HIVEP3: variants seen among roughly 807,000 people sequenced by gnomAD.
HIVEP3 encodes HIVEP zinc finger 3, also known as transcription factor HIVEP3.
A neutral mutation model predicts 152.8 loss-of-function variants in HIVEP3; 49 were observed. That is an observed-to-expected ratio of 0.32 (90% CI 0.26 to 0.41). The LOEUF is 0.41. Ranked by LOEUF, HIVEP3 falls within the 10% of genes least tolerant of loss-of-function variation. The pLI, the probability that HIVEP3 is intolerant of heterozygous loss-of-function variation, is 1.00. For missense variants in HIVEP3, 2,790 were observed against 3,103.3 expected (o/e 0.90, Z 2.40); for synonymous variants, 1,269 against 1,289.0 (o/e 0.98, Z 0.33).
At chr1:41,626,267 T>A (rs1156701632) in intron 3 of HIVEP3, among the ~76,000 whole-genome samples, 1 of 152,208 alleles carries the variant, frequency 6.6e-6, no homozygotes, top group East Asian at 1.9e-4. Flanking sequence ...CCCTGGTGGC[T>A]GGGAGGGCCG....
At chr1:41,682,979 T>A (rs1291120830) in intron 2 of HIVEP3, among the ~76,000 whole-genome samples, 1 of 152,172 alleles carries the variant, frequency 6.6e-6, no homozygotes, top group Non-Finnish European at 1.5e-5. Context: ...ATGGAAGGAA[T>A]GACATCTAAA....
At chr1:41,962,565 G>A (rs1645174846) in intron 1 of HIVEP3, among the ~76,000 whole-genome samples, 1 of 152,214 alleles carries the variant, frequency 6.6e-6, no homozygotes, top group Non-Finnish European at 1.5e-5. Flanking sequence ...AAGTTATTAT[G>A]CTCTTTCTCT....
intron 1 of HIVEP3, among the ~76,000 whole-genome samples, chr1:41,786,628 T>C (rs1225993927): frequency 1.3e-5 from 2 of 152,218 alleles, no homozygotes; most frequent in African/African-American, 4.8e-5. Flanking sequence ...TGTGAGACTG[T>C]ATAGCCAGCA....
chr1:41,583,396 G>T lies in HIVEP3; in HGVS notation c.1402C>A (p.Leu468Ile). Residue 468 changes from leucine to isoleucine, a missense_variant, in exon 4 of 9, where the codon CTC becomes ATC. By Grantham distance (5) the Leu-to-Ile change is conservative. Transcript: ENST00000372583. The surrounding 1 kb of genome is among the most constrained non-coding windows in gnomAD (Gnocchi z 6.9). Reference sequence around the variant, plus strand: ...ACCACGGCCTCGTTGATGGTGATGAGCTTCGTGATGTGCTCGATCACCTGC... The same window carrying T: ...ACCACGGCCTCGTTGATGGTGATGATCTTCGTGATGTGCTCGATCACCTGC... ...RTQVIEHITK[L>I]ITINEAVVDT... is the part of the protein sequence containing the mutation. 2 of 1,613,886 alleles carry T rather than the reference G, an allele frequency of 1.2e-6. No individual in the cohort carries two copies. Among genetic ancestry groups the T allele is most frequent in the Non-Finnish European group, 1.7e-6 (2 of 1,179,928 alleles).
intron 1 of HIVEP3, among the ~76,000 whole-genome samples, chr1:41,861,151 C>G (rs1643883273): frequency 6.6e-6 from 1 of 152,188 alleles, no homozygotes; most frequent in Non-Finnish European, 1.5e-5. Context: ...TGGCTAATGA[C>G]TCCAAATAAA....
intron 1 of HIVEP3, among the ~76,000 whole-genome samples, chr1:41,846,256 T>C (rs758744715): frequency 5.9e-5 from 9 of 152,194 alleles, no homozygotes; most frequent in South Asian, 4.1e-4. Context: ...TTTTCTGAAA[T>C]GTGCATGTTA....
intron 1 of HIVEP3, among the ~76,000 whole-genome samples, chr1:41,817,764 T>C (rs484667): frequency 0.37 from 56,154 of 152,130 alleles, 11,575 homozygotes; most frequent in East Asian, 0.8. Context: ...GGCATCAACA[T>C]GGCTTCTGAA....
chr1:41,853,984 G>A (rs1643679719), intron 1 of HIVEP3, among the ~76,000 whole-genome samples: 2 of 152,196 alleles, frequency 1.3e-5, no homozygotes, highest in African/African-American at 2.4e-5. Flanking sequence ...AAGGGATGGG[G>A]AAAGAAAGGC....
chr1:41,981,627 A>G (rs574150423), intron 1 of HIVEP3, among the ~76,000 whole-genome samples: 1 of 152,314 alleles, frequency 6.6e-6, no homozygotes, highest in African/African-American at 2.4e-5. Flanking sequence ...ACCTGCTGCA[A>G]AAAGTTGGGT....
At chr1:41,798,197 G>A (rs1269367801) in intron 1 of HIVEP3, among the ~76,000 whole-genome samples, 2 of 151,756 alleles carry the variant, frequency 1.3e-5, no homozygotes, top group Non-Finnish European at 1.5e-5. Flanking sequence ...TAAATGACGA[G>A]TTAATGGGTG....
chr1:41,972,622 G>A (rs1287944957), intron 1 of HIVEP3, among the ~76,000 whole-genome samples: 1 of 152,200 alleles, frequency 6.6e-6, no homozygotes, highest in Non-Finnish European at 1.5e-5. Flanking sequence ...TCTACTTTAA[G>A]AGTCATGGAA....
chr1:41,694,477 G>A (rs992177648), intron 2 of HIVEP3, among the ~76,000 whole-genome samples: 13 of 152,184 alleles, frequency 8.5e-5, no homozygotes, highest in Admixed American at 3.3e-4. Flanking sequence ...ACAAGTGAAT[G>A]AAAGACATCC....
chr1:41,942,021 C>A (rs1645048560), intron 1 of HIVEP3, among the ~76,000 whole-genome samples: 2 of 152,072 alleles, frequency 1.3e-5, no homozygotes, highest in Non-Finnish European at 2.9e-5. Flanking sequence ...AAATTAAAAC[C>A]TCAAAAATAA....
chr1:41,562,123 T>C (rs1053738295), intron 5 of HIVEP3, among the ~76,000 whole-genome samples: 2 of 152,170 alleles, frequency 1.3e-5, no homozygotes, highest in African/African-American at 2.4e-5. Flanking sequence ...TTACTATTAG[T>C]TCTCAAAAGG....
intron 3 of HIVEP3, among the ~76,000 whole-genome samples, chr1:41,607,068 C>T (rs1417294232): frequency 6.6e-6 from 1 of 152,120 alleles, no homozygotes; most frequent in Non-Finnish European, 1.5e-5. Flanking sequence ...AGGCAATCCT[C>T]CCACCTCAGC....
chr1:41,864,983 C>T (rs1643942540), intron 1 of HIVEP3, among the ~76,000 whole-genome samples: 1 of 152,192 alleles, frequency 6.6e-6, no homozygotes, highest in East Asian at 1.9e-4. Flanking sequence ...CACTGTGCTT[C>T]CTGCCAGTTT....
intron 2 of HIVEP3, among the ~76,000 whole-genome samples, chr1:41,637,676 A>T (rs1291055041): frequency 6.6e-6 from 1 of 152,206 alleles, no homozygotes. Flanking sequence ...GACCTGGGGG[A>T]TGCAATCTTG....
In HIVEP3 at chr1:41,580,821, T is replaced by C. The variant is rs376234628; in HGVS notation, c.3977A>G (p.Asn1326Ser). Residue 1326 changes from asparagine to serine, a missense_variant, in exon 4 of 9, where the codon AAT becomes AGT. Asn to Ser is a conservative substitution (Grantham distance 46). Around this residue, in one of 9 missense-constraint regions of HIVEP3, gnomAD observed 1,078 missense variants for 1,165.3 expected, o/e 0.93. Transcript: ENST00000372583. ...SLVVPVRVQT[N>S]MPSYGSAMYT... ...CATTGCGCTCCCATAGGACGGCATA[T>C]TGGTCTGAACACGGACAGGCACAAC... 6 of 1,583,120 alleles carry C rather than the reference T, an allele frequency of 3.8e-6. No homozygotes were observed. The highest frequency in any genetic ancestry group is 5.2e-6 in the Non-Finnish European group (6 of 1,164,692).
At position 41,624,582 on chromosome 1, in the gene HIVEP3, C is replaced by G. The variant is rs1021334563; in HGVS notation, c.-522+4167G>C. Among the ~76,000 whole-genome samples, 19 of 152,256 alleles carry G rather than the reference C, an allele frequency of 1.2e-4. No individual in the cohort carries two copies. In the East Asian group the frequency reaches 3.3e-3, roughly 26 times the overall value. On this transcript the variant is annotated intron_variant, in intron 3 of 8. Transcript: ENST00000372583. ...TTTTTTAAATTCAGGACTCTATATG[C>G]GTACACAAAACCATACAAGCAAGTA...
Sources: allele counts gnomAD v4.1 joint callset (sites outside exome capture counted in the v4.1 genomes callset), GRCh38; gene constraint gnomAD v4.1.1; regional missense constraint gnomAD v4.1.1; non-coding constraint Gnocchi (gnomAD v3.1); transcripts MANE v1.5; gene names NCBI Gene and HGNC (gene_info 2026-07-23, HGNC 2026-07-21).